NAXD: variants seen among roughly 807,000 people sequenced by gnomAD.
NAXD encodes NAD(P)HX dehydratase, also known as ATP-dependent (S)-NAD(P)H-hydrate dehydratase.
Under a neutral mutation model 35.8 loss-of-function variants are expected in NAXD, and 22 were observed. That is an observed-to-expected ratio of 0.62 (90% confidence interval 0.44 to 0.88). The LOEUF is 0.88. Among genes scored for constraint, NAXD ranks in the 40% least tolerant of loss-of-function variants. The pLI is 0.00. For synonymous variants in NAXD, 189 were observed against 177.6 expected (o/e 1.06, Z -0.51); for missense variants, 428 against 437.7 (o/e 0.98, Z 0.20).
chr13:110,618,208 A>G (rs1886131191), intron 1 of NAXD, among the ~76,000 whole-genome samples: 1 of 152,250 alleles, frequency 6.6e-6, no homozygotes, highest in African/African-American at 2.4e-5. Flanking sequence ...ATTTTAAGCT[A>G]GCTTCCATTT....
intron 1 of NAXD, among the ~76,000 whole-genome samples, chr13:110,620,978 T>C (rs936602502): frequency 2.0e-5 from 3 of 152,258 alleles, no homozygotes; most frequent in African/African-American, 7.2e-5. Flanking sequence ...CGAGCTGTTT[T>C]AAATATTAAG....
Position 110,627,512 on chromosome 13 carries a change from T to C in NAXD, c.406T>C (p.Leu136=). The change falls in exon 5 of 10, where the codon TTG becomes CTG. Residue 136 remains leucine, a synonymous_variant. Coordinates refer to ENST00000680254, the MANE Select transcript of NAXD (RefSeq NM_001242882.2). Reference sequence around the variant, plus strand: ...GCATGCTCTTGTCGTAGGACCTGGCTTGGGTAGAGATGATGCGCTTCTCAG... The same window carrying C: ...GCATGCTCTTGTCGTAGGACCTGGCCTGGGTAGAGATGATGCGCTTCTCAG... ...RLHALVVGPG[L]GRDDALLRNV... 2 of 1,614,048 alleles carry C rather than the reference T, an allele frequency of 1.2e-6. No homozygotes were observed. Among genetic ancestry groups the C allele is most frequent in the Non-Finnish European group, 1.7e-6 (2 of 1,179,924 alleles).
chr13:110,632,295 C>T (rs930034688), intron 5 of NAXD, among the ~76,000 whole-genome samples: 2 of 152,186 alleles, frequency 1.3e-5, no homozygotes, highest in Admixed American at 6.5e-5. Context: ...AGCTGCAGAT[C>T]TTCGCGGTGA....
At chr13:110,627,958 C>T (rs1051539017) in intron 5 of NAXD, among the ~76,000 whole-genome samples, 4 of 152,284 alleles carry the variant, frequency 2.6e-5, no homozygotes, top group Admixed American at 6.5e-5. Context: ...ACAGCCCTGG[C>T]GCCATGCTCT....
rs771254300 is a variant in NAXD, at chr13:110,631,620, T to TG, written c.442-2924dup. 4.1e-4 allele frequency among the ~76,000 whole-genome samples: 63 copies of TG among 152,196 alleles called. 1 individual carries two copies. Among genetic ancestry groups the TG allele is most frequent in the Non-Finnish European group, 1.0e-4 (7 of 68,042 alleles). ...CATTAAAAGAAAACACAGAAACAGATGAAAATGTCAGATTGTTGCCAAATA... is the reference window on the plus strand; with the variant it reads ...CATTAAAAGAAAACACAGAAACAGATGGAAAATGTCAGATTGTTGCCAAATA... On this transcript the variant is annotated intron_variant, in intron 5 of 9. Transcript: ENST00000680254.
intron 4 of NAXD, 102 bp downstream of exon 4, chr13:110,625,380 T>C (rs923703991): frequency 6.6e-6 from 5 of 754,446 alleles, no homozygotes; most frequent in Non-Finnish European, 9.2e-6. Flanking sequence ...TTTTCCATCC[T>C]CAGAGTTTCT....
Position 110,628,495 on chromosome 13 carries a change from ACT to A in NAXD, c.441+951_441+952del, listed in dbSNP as rs1367660171. On this transcript the variant is annotated intron_variant, in intron 5 of 9. Transcript: ENST00000680254. This position sits in a 1 kb window ranked among gnomAD's most constrained non-coding sequence, Gnocchi z 4.1. ...TGAAAATGCCAGCCATCTGCATGGCACTCTGTTGGGTGCTTAGTTAATGGAGG... is the reference window on the plus strand; with the variant it reads ...TGAAAATGCCAGCCATCTGCATGGCACTGTTGGGTGCTTAGTTAATGGAGG... Among the ~76,000 whole-genome samples the A allele has an allele frequency of 6.6e-6, 1 of 152,032 alleles. No homozygotes were observed. Among genetic ancestry groups the A allele is most frequent in the African/African-American group, 2.4e-5 (1 of 41,400 alleles).
Position 110,636,467 on chromosome 13 carries a change from C to T in NAXD, c.719-662C>T, listed in dbSNP as rs531025238. Among the ~76,000 whole-genome samples, 6 of 152,188 alleles carry T rather than the reference C, an allele frequency of 3.9e-5. No individual in the cohort carries two copies. The East Asian group carries it at 7.7e-4, about 20-fold the overall frequency. Reference sequence around the variant, plus strand: ...GCATGGTCATGCTCACAGCCTCGCACACGCCCTCGCACACTCATCCACACA... The same window carrying T: ...GCATGGTCATGCTCACAGCCTCGCATACGCCCTCGCACACTCATCCACACA... On this transcript the variant is annotated intron_variant, in intron 8 of 9. Coordinates refer to ENST00000680254, the MANE Select transcript of NAXD (RefSeq NM_001242882.2).
intron 1 of NAXD, among the ~76,000 whole-genome samples, chr13:110,618,271 G>GC (rs59793488): frequency 0.24 from 35,877 of 152,000 alleles, 5,495 homozygotes; most frequent in African/African-American, 0.44. Context: ...TCTGGATGGC[G>GC]CTTCTTGTTC....
At chr13:110,627,382 A>T in intron 4 of NAXD, 57 bp from the exon 5 acceptor site, 1 of 1,059,314 alleles carries the variant, frequency 9.4e-7, no homozygotes, top group Admixed American at 1.9e-5. Flanking sequence ...CAAATACATG[A>T]CAGTAAGTAA....
chr13:110,634,636 G>A (rs1432880840), intron 6 of NAXD, 36 bp from the exon 7 acceptor site: 1 of 1,613,986 alleles, frequency 6.2e-7, no homozygotes, highest in South Asian at 1.1e-5. Flanking sequence ...CTCCCGGAAG[G>A]CCTGTGCAGT....
Position 110,615,608 on chromosome 13 carries a change from C to G in NAXD, c.7C>G (p.Leu3Val). 3.5e-6 allele frequency: 5 copies of G among 1,446,746 alleles called. No homozygotes were observed. The highest frequency in any genetic ancestry group is 2.7e-5 in the South Asian group (2 of 73,532). 89.6% of individuals were successfully genotyped at this position (1,446,746 alleles called of 1,614,324 possible). A position where few individuals can be genotyped will look rare whatever the true frequency, so the allele number is the denominator to read the frequency against. The change falls in exon 1 of 10, where the codon CTG becomes GTG. Residue 3 changes from leucine to valine, a missense_variant. Physicochemically the swap from Leu to Val is conservative, Grantham distance 32. Coordinates refer to ENST00000680254, the MANE Select transcript of NAXD (RefSeq NM_001242882.2). MA[L>V]GPRCGAIRAC... is the part of the protein sequence containing the mutation. The stretch of plus-strand genomic sequence containing the variant: ...GAATCCGGAATGCTGCCCGATGGCC[C>G]TGGGTCCTCGCTGTGGGGCAATCCG...
At chr13:110,631,860 C>A (rs1886705593) in intron 5 of NAXD, among the ~76,000 whole-genome samples, 2 of 152,248 alleles carry the variant, frequency 1.3e-5, no homozygotes, top group African/African-American at 4.8e-5. Flanking sequence ...CAAATACACA[C>A]TTTCCTATGG....
rs553393057 is a variant in NAXD at position 110,632,222 on chromosome 13, C to T, written c.442-2323C>T. 1.5e-4 allele frequency among the ~76,000 whole-genome samples: 22 copies of T among 149,916 alleles called. No individual in the cohort carries two copies. In the East Asian group the frequency reaches 4.1e-3, roughly 28 times the overall value. ...GCGGTGAGTGTTACAGCTCTTAAGG[C>T]AGCGCGTCTGGAGTTGTTCGTTCCT... On this transcript the variant is annotated intron_variant, in intron 5 of 9. Coordinates refer to ENST00000680254, the MANE Select transcript of NAXD (RefSeq NM_001242882.2).
chr13:110,632,082 A>T (rs564351135), intron 5 of NAXD, among the ~76,000 whole-genome samples: 3 of 139,214 alleles, frequency 2.2e-5, no homozygotes, highest in African/African-American at 7.7e-5. Flanking sequence ...TGAGTGTTAC[A>T]GCTCTTAAGG....
chr13:110,638,466 A>T lies in NAXD; in HGVS notation c.928A>T (p.Thr310Ser). The T allele has an allele frequency of 6.2e-7, 1 of 1,613,270 alleles. No homozygotes were observed. The highest frequency in any genetic ancestry group is 1.1e-5 in the South Asian group (1 of 91,070). ...HQAFQKHGRS[T>S]TTSDMIAEVG... ...AGCCTTCCAGAAGCACGGTCGCTCCACCACCACCTCCGACATGATCGCCGA... is the reference window on the plus strand; with the variant it reads ...AGCCTTCCAGAAGCACGGTCGCTCCTCCACCACCTCCGACATGATCGCCGA... Residue 310 changes from threonine (T) to serine (S), a missense_variant, in exon 10 of 10, where the codon ACC (threonine) becomes TCC (serine). By Grantham distance (58) the Thr-to-Ser change is moderately conservative (BLOSUM62 1). This residue lies in a region of NAXD where 209 missense variants were observed against 214.6 expected (regional missense o/e 0.97). Coordinates refer to ENST00000680254, the MANE Select transcript of NAXD (RefSeq NM_001242882.2). This position sits in a 1 kb window ranked among gnomAD's most constrained non-coding sequence, Gnocchi z 5.4.
intron 5 of NAXD, among the ~76,000 whole-genome samples, chr13:110,632,804 C>T (rs962844994): frequency 3.3e-5 from 5 of 150,938 alleles, no homozygotes; most frequent in Non-Finnish European, 7.4e-5. Context: ...TACAGAGTGT[C>T]GATTGGTGCA....
At chr13:110,615,977 C>A in intron 1 of NAXD, 1 of 417,028 alleles carries the variant, frequency 2.4e-6, no homozygotes, top group South Asian at 9.8e-5. Context: ...CAGAGGGTGG[C>A]GCCGGGCCGG....
intron 8 of NAXD, among the ~76,000 whole-genome samples, chr13:110,636,203 C>T (rs1023914524): frequency 1.3e-5 from 2 of 152,222 alleles, no homozygotes; most frequent in Non-Finnish European, 2.9e-5. Context: ...AAATGGAAGC[C>T]CCTCCATTCA....
Sources: gnomAD v4.1 joint callset for allele counts (sites outside exome capture counted in the v4.1 genomes callset) on GRCh38, gnomAD v4.1.1 for gene constraint, gnomAD v4.1.1 regional missense constraint, Gnocchi (gnomAD v3.1) non-coding constraint, MANE v1.5 for transcripts, NCBI Gene and HGNC (gene_info 2026-07-23, HGNC 2026-07-21) for gene names.